TENM2: variants seen among roughly 807,000 people sequenced by gnomAD.
TENM2 encodes the protein teneurin transmembrane protein 2, also known as teneurin-2.
A neutral mutation model predicts 245.2 loss-of-function variants in TENM2; 52 were observed. The observed-to-expected ratio is 0.21, with a 90% confidence interval of 0.17 to 0.27. TENM2 has a LOEUF of 0.27. Ranked by LOEUF, TENM2 falls within the 10% of genes least tolerant of loss-of-function variation. The pLI is 1.00. For missense variants in TENM2, 3,046 were observed against 3,666.8 expected, an observed-to-expected ratio of 0.83 and a Z score of 4.37; for synonymous variants, 1,363 against 1,438.9, an observed-to-expected ratio of 0.95 and a Z score of 1.19.
At chr5:167,817,067 G>A (rs1244219534) in intron 2 of TENM2, among the ~76,000 whole-genome samples, 2 of 152,184 alleles carry the variant, frequency 1.3e-5, no homozygotes, top group Non-Finnish European at 2.9e-5. Flanking sequence ...TGTTCCAACT[G>A]GAGAAATAGC....
At chr5:167,978,977 CA>C (rs1782638767) in intron 4 of TENM2, among the ~76,000 whole-genome samples, 1 of 152,152 alleles carries the variant, frequency 6.6e-6, no homozygotes, top group African/African-American at 2.4e-5. Flanking sequence ...TGTCTGTTCT[CA>C]AAACATTCCT....
At chr5:167,793,283 T>G (rs1159074712) in intron 2 of TENM2, among the ~76,000 whole-genome samples, 1 of 152,184 alleles carries the variant, frequency 6.6e-6, no homozygotes, top group Non-Finnish European at 1.5e-5. Context: ...TTCTATTTTC[T>G]CATCTGTAAA....
In TENM2 at chr5:168,245,250, G is replaced by A. The variant is rs144342916; in HGVS notation, c.5817+534G>A. 6.8e-3 allele frequency among the ~76,000 whole-genome samples: 1,023 copies of A among 150,896 alleles called. 21 individuals are homozygous for A. Among genetic ancestry groups the A allele is most frequent in the African/African-American group, 0.021 (863 of 41,122 alleles). ...GGGGTGGGGGGCGGGGGTGCTAGAC[G>A]CTCAGTAATGGCAAAAAGGACGAAT... is the stretch of plus-strand genomic sequence containing the variant. On this transcript the variant is annotated intron_variant, in intron 26 of 28. Transcript: ENST00000518659.
At chr5:167,419,438 G>C (rs910967835) in intron 2 of TENM2, among the ~76,000 whole-genome samples, 3 of 152,194 alleles carry the variant, frequency 2.0e-5, no homozygotes, top group African/African-American at 7.2e-5. Context: ...TCCAGCCTGA[G>C]TGAAAGAGTG....
At chr5:167,374,373 G>C (rs1028048395) in intron 1 of TENM2, among the ~76,000 whole-genome samples, 16 of 152,036 alleles carry the variant, frequency 1.1e-4, no homozygotes, top group African/African-American at 3.6e-4. Flanking sequence ...AAGTCACTCT[G>C]ATGTTCTCAG....
In TENM2 at chr5:167,462,102, C is replaced by T. The variant is rs118106177; in HGVS notation, c.502+86629C>T. Among the ~76,000 whole-genome samples, 442 of 151,504 alleles carry T rather than the reference C, an allele frequency of 2.9e-3. 19 individuals are homozygous for T. The South Asian group carries it at 0.08, about 27-fold the overall frequency. ...ACATACATACATACATGCATACATA[C>T]ATACACACATGCACAAACCTCTTCC... On this transcript the variant is annotated intron_variant, in intron 2 of 28. Coordinates refer to ENST00000518659, the Ensembl canonical transcript of TENM2.
At chr5:168,047,633 A>G in intron 6 of TENM2, 84 bp downstream of exon 8, 1 of 1,474,286 alleles carries the variant, frequency 6.8e-7, no homozygotes. Flanking sequence ...TTCTAATCCA[A>G]ATCTTGGAAG....
intron 2 of TENM2, among the ~76,000 whole-genome samples, chr5:167,515,676 T>TATACACATATATAC (rs1770327560): frequency 6.7e-6 from 1 of 148,678 alleles, no homozygotes; most frequent in African/African-American, 2.5e-5. Context: ...TATGTGTATA[T>TATACACATATATAC]ATATTTTGAG....
At chr5:167,147,851 C>T in the TENM2 span, among the ~76,000 whole-genome samples, 2 of 152,142 alleles carry the variant, frequency 1.3e-5, no homozygotes, top group Non-Finnish European at 2.9e-5. Context: ...CACCAAAAGT[C>T]ATGATTACTT....
At chr5:167,991,684 G>A (rs1345098028) in intron 4 of TENM2, among the ~76,000 whole-genome samples, 1 of 152,130 alleles carries the variant, frequency 6.6e-6, no homozygotes, top group African/African-American at 2.4e-5. Flanking sequence ...TGGCTAACAC[G>A]GACACCTTAT....
At chr5:167,060,554 G>A in the TENM2 span, among the ~76,000 whole-genome samples, 2 of 151,028 alleles carry the variant, frequency 1.3e-5, no homozygotes, top group African/African-American at 4.9e-5. Flanking sequence ...GGGAGGCTGA[G>A]GCAGGAGAAT....
At chr5:167,909,706 T>G (rs1164896378) in intron 3 of TENM2, among the ~76,000 whole-genome samples, 2 of 152,228 alleles carry the variant, frequency 1.3e-5, no homozygotes, top group Non-Finnish European at 2.9e-5. Flanking sequence ...TTTAGAGGAC[T>G]GTATTATCAC....
chr5:168,008,480 T>C (rs1784991084), intron 5 of TENM2, among the ~76,000 whole-genome samples: 1 of 152,062 alleles, frequency 6.6e-6, no homozygotes, highest in Admixed American at 6.5e-5. Flanking sequence ...TCCATAAATA[T>C]TTATTTGTTG....
chr5:167,797,169 C>A (rs1302271584), intron 2 of TENM2, among the ~76,000 whole-genome samples: 1 of 152,120 alleles, frequency 6.6e-6, no homozygotes, highest in Middle Eastern at 3.2e-3. Context: ...TGTTGACATG[C>A]AGAAATATGC....
intron 2 of TENM2, among the ~76,000 whole-genome samples, chr5:167,675,937 G>A (rs574169710): frequency 2.6e-5 from 4 of 152,114 alleles, no homozygotes; most frequent in African/African-American, 9.6e-5. Context: ...TGCTTGGGTA[G>A]TACATGAATG....
At chr5:167,506,438 C>G (rs557751784) in intron 2 of TENM2, among the ~76,000 whole-genome samples, 1 of 151,972 alleles carries the variant, frequency 6.6e-6, no homozygotes, top group South Asian at 2.1e-4. Context: ...CAGAGCAAAC[C>G]AGGAAAAAAA....
At chr5:168,018,402 T>A (rs1785847882) in intron 5 of TENM2, among the ~76,000 whole-genome samples, 1 of 152,158 alleles carries the variant, frequency 6.6e-6, no homozygotes, top group Non-Finnish European at 1.5e-5. Context: ...CTCTTTCTTT[T>A]TTTTTCATAA....
chr5:167,049,733 T>G, the TENM2 span, among the ~76,000 whole-genome samples: 1 of 152,342 alleles, frequency 6.6e-6, no homozygotes, highest in East Asian at 1.9e-4. Context: ...ATTTGGATTT[T>G]AATATACTGA....
chr5:168,150,558 G>T (rs923063005), intron 12 of TENM2, among the ~76,000 whole-genome samples: 1 of 152,002 alleles, frequency 6.6e-6, no homozygotes, highest in African/African-American at 2.4e-5. Flanking sequence ...GACTGACTCC[G>T]TCACACTACC....
Sources: allele counts gnomAD v4.1 joint callset (sites outside exome capture counted in the v4.1 genomes callset), GRCh38; gene constraint gnomAD v4.1.1; transcripts MANE v1.5; gene names NCBI Gene and HGNC (gene_info 2026-07-23, HGNC 2026-07-21).